CPED1: variants seen among roughly 807,000 people sequenced by gnomAD.
CPED1 encodes cadherin like and PC-esterase domain containing 1.
CPED1 carries 114 observed loss-of-function variants against 128.2 expected under a neutral mutation model. That is an observed-to-expected ratio of 0.89 (90% CI 0.76 to 1.04). The LOEUF (loss-of-function observed/expected upper bound fraction) is 1.04, where lower values mean the gene tolerates loss of function less well. Ranked by LOEUF, CPED1 falls within the 50% of genes least tolerant of loss-of-function variation. CPED1 has a pLI of 0.00. For missense variants in CPED1, 1,211 were observed against 1,207.1 expected (o/e 1.00, Z -0.05); for synonymous variants, 462 against 426.7 (o/e 1.08, Z -1.02).
chr7:121,121,487 G>C (rs1419601659), intron 7 of CPED1, among the ~76,000 whole-genome samples: 1 of 152,124 alleles, frequency 6.6e-6, no homozygotes. Context: ...ACTGAAGGAA[G>C]AAAATTTATA....
chr7:121,223,125 G>A (rs1422629671), intron 16 of CPED1, among the ~76,000 whole-genome samples: 2 of 152,100 alleles, frequency 1.3e-5, no homozygotes, highest in Non-Finnish European at 1.5e-5. Context: ...TTTGAGATAC[G>A]TTCCATCAAT....
chr7:121,061,245 T>A, intron 4 of CPED1: 2 of 905,002 alleles, frequency 2.2e-6, no homozygotes, highest in Non-Finnish European at 2.6e-6. Context: ...ATATTCCCTT[T>A]TTCAAAAATT....
chr7:121,233,284 A>G (rs1325269509), intron 16 of CPED1, among the ~76,000 whole-genome samples: 1 of 152,058 alleles, frequency 6.6e-6, no homozygotes, highest in Non-Finnish European at 1.5e-5. Context: ...GATTCACTCT[A>G]AGTGTGAAGA....
At chr7:121,177,649 T>G (rs562661543) in intron 16 of CPED1, among the ~76,000 whole-genome samples, 1 of 152,184 alleles carries the variant, frequency 6.6e-6, no homozygotes, top group African/African-American at 2.4e-5. Context: ...CAACGGCTAG[T>G]TCCTTCCAAA....
intron 7 of CPED1, among the ~76,000 whole-genome samples, chr7:121,105,268 G>A (rs763919089): frequency 3.3e-5 from 5 of 152,078 alleles, no homozygotes; most frequent in East Asian, 1.9e-4. Context: ...CTCATTTGTC[G>A]TCAATATTTA....
intron 16 of CPED1, among the ~76,000 whole-genome samples, chr7:121,213,800 G>T (rs1224117449): frequency 6.6e-6 from 1 of 151,976 alleles, no homozygotes; most frequent in African/African-American, 2.4e-5. Flanking sequence ...ATCTTCCCCA[G>T]TTTCTTCTAA....
intron 18 of CPED1, among the ~76,000 whole-genome samples, chr7:121,257,412 A>G (rs1443636784): frequency 6.6e-6 from 1 of 152,172 alleles, no homozygotes; most frequent in South Asian, 2.1e-4. Flanking sequence ...GTGTGTGAGC[A>G]CTGTTTTCTT....
At chr7:121,295,296 GC>G in intron 22 of CPED1, 143 bp from the exon 23 acceptor site, 1 of 991,584 alleles carries the variant, frequency 1.0e-6, no homozygotes, top group Non-Finnish European at 1.4e-6. Flanking sequence ...ATAAGTTATA[GC>G]CATTCCTGGT....
chr7:120,998,459 A>G (rs1173260976), intron 2 of CPED1, among the ~76,000 whole-genome samples: 1 of 152,164 alleles, frequency 6.6e-6, no homozygotes, highest in Admixed American at 6.5e-5. Flanking sequence ...AATCACATGA[A>G]GCACTTAAAG....
chr7:121,273,017 T>C (rs748439343), intron 22 of CPED1, among the ~76,000 whole-genome samples: 18 of 129,648 alleles, frequency 1.4e-4, no homozygotes, highest in South Asian at 1.1e-3. Flanking sequence ...TGGAATATGA[T>C]TTTTTTTTGG....
intron 7 of CPED1, among the ~76,000 whole-genome samples, chr7:121,117,932 A>C (rs1204906127): frequency 6.6e-5 from 10 of 152,192 alleles, no homozygotes; most frequent in Admixed American, 5.2e-4. Context: ...GCCAAAAAAA[A>C]AAAAAGAGAA....
intron 16 of CPED1, among the ~76,000 whole-genome samples, chr7:121,165,389 C>T (rs1024484509): frequency 5.9e-5 from 9 of 152,090 alleles, no homozygotes; most frequent in African/African-American, 1.7e-4. Context: ...AACTCATTAA[C>T]TGACCAGTAA....
At chr7:121,229,268 T>C (rs1227988754) in intron 16 of CPED1, among the ~76,000 whole-genome samples, 2 of 151,856 alleles carry the variant, frequency 1.3e-5, no homozygotes, top group East Asian at 1.9e-4. Flanking sequence ...TTTAAAAGAA[T>C]AAAAAAATAG....
intron 7 of CPED1, among the ~76,000 whole-genome samples, chr7:121,117,094 TATATAA>T (rs1158143676): frequency 1.4e-5 from 2 of 142,582 alleles, no homozygotes; most frequent in East Asian, 2.0e-4. Context: ...TATATATATA[TATATAA>T]ATATATATAT....
intron 8 of CPED1, 100 bp downstream of exon 8, chr7:121,124,573 G>A: frequency 1.1e-6 from 1 of 901,722 alleles, no homozygotes; most frequent in Non-Finnish European, 1.5e-6. Flanking sequence ...TCATAAGTAG[G>A]TGGTACTTGG....
chr7:121,180,644 T>C (rs1463443752), intron 16 of CPED1, among the ~76,000 whole-genome samples: 1 of 152,024 alleles, frequency 6.6e-6, no homozygotes, highest in East Asian at 1.9e-4. Flanking sequence ...GAGATTTTCA[T>C]GCTCCATCAA....
intron 5 of CPED1, among the ~76,000 whole-genome samples, chr7:121,083,487 GTTAA>G (rs1794343768): frequency 6.6e-6 from 1 of 152,176 alleles, no homozygotes; most frequent in South Asian, 2.1e-4. Context: ...ATCTGGGAAT[GTTAA>G]TTAATGAATG....
chr7:121,268,631 T>G (rs1294260448), intron 21 of CPED1, among the ~76,000 whole-genome samples: 2 of 131,244 alleles, frequency 1.5e-5, no homozygotes, highest in African/African-American at 7.2e-5. Context: ...CCAGTGCATG[T>G]GCACACAAGT....
At chr7:121,195,434 T>C (rs1344997116) in intron 16 of CPED1, among the ~76,000 whole-genome samples, 1 of 152,180 alleles carries the variant, frequency 6.6e-6, no homozygotes, top group Non-Finnish European at 1.5e-5. Flanking sequence ...CACATAATGT[T>C]GATAACTCCA....
Sources: allele counts gnomAD v4.1 joint callset (sites outside exome capture counted in the v4.1 genomes callset), GRCh38; gene constraint gnomAD v4.1.1; transcripts MANE v1.5; gene names NCBI Gene and HGNC (gene_info 2026-07-23, HGNC 2026-07-21).